The following RYR2 variants were observed in gnomAD, a reference collection of about 807,000 sequenced individuals.
The protein encoded by RYR2 is cardiac muscle ryanodine receptor-calcium release channel.
Under a neutral mutation model 601.1 loss-of-function variants are expected in RYR2, and 227 were observed. That is an observed-to-expected ratio of 0.38 (90% CI 0.34 to 0.42). RYR2 has a LOEUF of 0.42. Among genes scored for constraint, RYR2 ranks in the 10% least tolerant of loss-of-function variants. The pLI, the probability that RYR2 is intolerant of heterozygous loss-of-function variation, is 1.00. For missense variants in RYR2, 4,646 were observed against 6,156.5 expected (o/e 0.75, Z 8.21); for synonymous variants, 2,223 against 2,175.1 (o/e 1.02, Z -0.61).
rs186694658 is a variant in RYR2 at position 237,398,966 on chromosome 1, G to A, written c.773+10783G>A. 1.3e-3 allele frequency among the ~76,000 whole-genome samples: 194 copies of A among 152,232 alleles called. 1 individual carries two copies. The highest frequency in any genetic ancestry group is 3.7e-3 in the African/African-American group (154 of 41,542). The stretch of plus-strand genomic sequence containing the variant: ...CCCAGCATTTTGGGAGGCCAAAGTC[G>A]GTGAATCACTTGAGGTCAGGAGTTC... On this transcript the variant is annotated intron_variant, in intron 10 of 104. Coordinates refer to ENST00000366574, the MANE Select transcript of RYR2 (RefSeq NM_001035.3).
chr1:237,708,535 G>A (rs570032759), intron 68 of RYR2, among the ~76,000 whole-genome samples: 45 of 152,298 alleles, frequency 3.0e-4, no homozygotes, highest in African/African-American at 1.1e-3. Flanking sequence ...CTAAGGGTTA[G>A]GGGAACCTTT....
chr1:237,614,782 G>C lies in RYR2; in HGVS notation c.5654G>C (p.Gly1885Ala), dbSNP rs41315858. ...LQGAGEEEAK[G>A]GKRPKEGLLQ... is the part of the protein sequence containing the mutation. Reference sequence around the variant, plus strand: ...GGAGCTGGTGAGGAAGAAGCCAAGGGGGGCAAGCGGCCCAAGGAAGGCCTG... The same window carrying C: ...GGAGCTGGTGAGGAAGAAGCCAAGGCGGGCAAGCGGCCCAAGGAAGGCCTG... The change falls in exon 37 of 105, where the codon GGG (glycine) becomes GCG (alanine). Residue 1885 changes from glycine to alanine, a missense_variant. By Grantham distance (60) the Gly-to-Ala change is moderately conservative. This residue lies in a region of RYR2 where 1,807 missense variants were observed against 2,088.1 expected (regional missense o/e 0.87). Transcript: ENST00000366574. The surrounding 1 kb of genome is among the most constrained non-coding windows in gnomAD (Gnocchi z 4.3). 11 of 1,609,636 alleles carry C rather than the reference G, an allele frequency of 6.8e-6. No individual in the cohort carries two copies. The highest frequency in any genetic ancestry group is 1.3e-5 in the African/African-American group (1 of 74,762).
chr1:237,547,920 A>T (rs1176755307), intron 25 of RYR2, among the ~76,000 whole-genome samples: 1 of 152,222 alleles, frequency 6.6e-6, no homozygotes, highest in African/African-American at 2.4e-5. Context: ...TAAATAACGT[A>T]ACTAGGAATG....
Position 237,106,769 on chromosome 1 carries a change from T to C in RYR2, c.48+64200T>C, listed in dbSNP as rs951007448. 1.3e-5 allele frequency among the ~76,000 whole-genome samples: 2 copies of C among 152,346 alleles called. No homozygotes were observed. The highest frequency in any genetic ancestry group is 3.9e-4 in the East Asian group (2 of 5,182). On this transcript the variant is annotated intron_variant, in intron 1 of 104. Transcript: ENST00000366574. This position sits in a 1 kb window ranked among gnomAD's most constrained non-coding sequence, Gnocchi z 4.4. ...AGAAATTATTCCTCACAGTTCTGGA[T>C]GCTGGGAAGCCCAAGATCAGAGTGC...
At chr1:237,133,121 G>A (rs1478477345) in intron 1 of RYR2, among the ~76,000 whole-genome samples, 1 of 152,160 alleles carries the variant, frequency 6.6e-6, no homozygotes, top group Non-Finnish European at 1.5e-5. Context: ...GGCAAGATTA[G>A]GAATTGTAGG....
intron 1 of RYR2, among the ~76,000 whole-genome samples, chr1:237,226,205 C>T (rs1374471325): frequency 1.3e-5 from 2 of 152,058 alleles, no homozygotes; most frequent in Non-Finnish European, 2.9e-5. Flanking sequence ...GGGAAAATTG[C>T]ATGTTGTTAG....
At chr1:237,296,968 A>G (rs1364353741) in intron 2 of RYR2, among the ~76,000 whole-genome samples, 2 of 152,212 alleles carry the variant, frequency 1.3e-5, no homozygotes, top group African/African-American at 4.8e-5. Flanking sequence ...TTCTATATAC[A>G]GTTGTATTTT....
At chr1:237,235,638 A>G (rs990528779) in intron 1 of RYR2, among the ~76,000 whole-genome samples, 2 of 152,220 alleles carry the variant, frequency 1.3e-5, no homozygotes, top group African/African-American at 4.8e-5. Flanking sequence ...TGCAATTGCA[A>G]TACTGATTGA....
intron 27 of RYR2, among the ~76,000 whole-genome samples, chr1:237,564,021 T>G: frequency 6.6e-6 from 1 of 152,276 alleles, no homozygotes; most frequent in South Asian, 2.1e-4. Context: ...TGTAATATTT[T>G]ATTTGCAAAT....
rs1320481956 is a variant in RYR2 at position 237,380,387 on chromosome 1, T to A, written c.576+2952T>A. On this transcript the variant is annotated intron_variant, in intron 8 of 104. Coordinates refer to ENST00000366574, the MANE Select transcript of RYR2 (RefSeq NM_001035.3). Reference sequence around the variant, plus strand: ...ATATATATATATATATATATATATATATATATATATATATATATATATATA... The same window carrying A: ...ATATATATATATATATATATATATAAATATATATATATATATATATATATA... 1.5e-4 allele frequency among the ~76,000 whole-genome samples: 4 copies of A among 27,102 alleles called. No individual in the cohort carries two copies. The East Asian group carries it at 6.5e-3, about 44-fold the overall frequency. 17.8% of individuals were successfully genotyped at this position (27,102 alleles called of 152,430 possible). A position where few individuals can be genotyped will look rare whatever the true frequency, so the allele number is the denominator to read the frequency against.
intron 16 of RYR2, among the ~76,000 whole-genome samples, chr1:237,462,328 C>T (rs963013975): frequency 6.6e-6 from 1 of 152,114 alleles, no homozygotes; most frequent in Non-Finnish European, 1.5e-5. Flanking sequence ...TTGCATTCGA[C>T]ATGGATATAT....
At chr1:237,178,148 A>C (rs1028658262) in intron 1 of RYR2, among the ~76,000 whole-genome samples, 3 of 152,074 alleles carry the variant, frequency 2.0e-5, no homozygotes, top group African/African-American at 7.2e-5. Context: ...ATATCTTTTC[A>C]TGTGGTTACT....
chr1:237,675,819 T>C (rs1197169723), intron 60 of RYR2, among the ~76,000 whole-genome samples: 3 of 152,150 alleles, frequency 2.0e-5, no homozygotes, highest in Admixed American at 6.5e-5. Context: ...GATTTTCCAA[T>C]TGAGCATCTT....
At chr1:237,479,988 A>C (rs1661855836) in intron 17 of RYR2, among the ~76,000 whole-genome samples, 1 of 152,210 alleles carries the variant, frequency 6.6e-6, no homozygotes, top group Non-Finnish European at 1.5e-5. Context: ...AGCAGGGATG[A>C]GGCCAATTTT....
At chr1:237,427,782 C>CAAAAAAAAAA in intron 12 of RYR2, among the ~76,000 whole-genome samples, 1 of 56,192 alleles carries the variant, frequency 1.8e-5, no homozygotes, top group Non-Finnish European at 3.1e-5. Context: ...GACTCTGCCT[C>CAAAAAAAAAA]AAAAAAAAAA....
chr1:237,390,670 C>T (rs765858449), intron 10 of RYR2, among the ~76,000 whole-genome samples: 10 of 152,108 alleles, frequency 6.6e-5, no homozygotes, highest in African/African-American at 1.2e-4. Flanking sequence ...AGGATCCTTT[C>T]GATGGCTAGT....
chr1:237,587,859 C>T (rs7522458), intron 29 of RYR2, among the ~76,000 whole-genome samples: 78,549 of 151,914 alleles, frequency 0.52, 20,625 homozygotes, highest in South Asian at 0.66. Flanking sequence ...GCTAGGAACT[C>T]CTTCTACAAA....
At chr1:237,795,254 A>G in intron 95 of RYR2, 35 bp from the exon 96 acceptor site, 1 of 1,013,430 alleles carries the variant, frequency 9.9e-7, no homozygotes, top group South Asian at 1.7e-5. Context: ...CATTAAAAAT[A>G]ATACTATTTA....
rs1429744029 is a variant in RYR2 at position 237,723,199 on chromosome 1, A to G, written c.10626A>G (p.Ser3542=). Residue 3542 remains serine (S), a synonymous_variant, in exon 74 of 105, where the codon TCA becomes TCG. Transcript: ENST00000366574. ...KDLPNRTDDT[S]DPEKTVERVL... The stretch of plus-strand genomic sequence containing the variant: ...TACCAAACAGGACTGATGATACCTC[A>G]GATCCAGAGAAGACGGTAGAAAGAG... 6.2e-7 allele frequency: 1 copy of G among 1,610,836 alleles called. No individual in the cohort carries two copies. Among genetic ancestry groups the G allele is most frequent in the Non-Finnish European group, 8.5e-7 (1 of 1,177,172 alleles).
Sources: gnomAD v4.1 joint callset for allele counts (sites outside exome capture counted in the v4.1 genomes callset) on GRCh38, gnomAD v4.1.1 for gene constraint, gnomAD v4.1.1 regional missense constraint, Gnocchi (gnomAD v3.1) non-coding constraint, MANE v1.5 for transcripts, NCBI Gene and HGNC (gene_info 2026-07-23, HGNC 2026-07-21) for gene names.